Variants in MUSK observed in about 807,000 individuals in gnomAD.
The protein encoded by MUSK is muscle, skeletal receptor tyrosine-protein kinase.
In MUSK, 55 loss-of-function variants were observed where a neutral mutation model predicts 88.7. That is an observed-to-expected ratio of 0.62 (90% CI 0.50 to 0.78). MUSK has a LOEUF of 0.78. Among genes scored for constraint, MUSK ranks in the 30% least tolerant of loss-of-function variants. The probability of loss-of-function intolerance (pLI) is 0.00; values close to 1 mark genes in which losing one functional copy is unlikely to be tolerated. For synonymous variants in MUSK, 387 were observed against 391.9 expected (o/e 0.99, Z 0.15); for missense variants, 1,015 against 1,074.3 (o/e 0.94, Z 0.77).
At chr9:110,690,113 A>T (rs1183086918) in intron 3 of MUSK, among the ~76,000 whole-genome samples, 2 of 55,308 alleles carry the variant, frequency 3.6e-5, no homozygotes, top group Non-Finnish European at 6.3e-5. Flanking sequence ...AAATATAGAA[A>T]TATATATTAT....
chr9:110,689,364 ATATT>A (rs1289179881), intron 3 of MUSK, among the ~76,000 whole-genome samples: 1 of 118,228 alleles, frequency 8.5e-6, no homozygotes, highest in Non-Finnish European at 1.6e-5. Context: ...ATATAAATAC[ATATT>A]TATATATATG....
intron 3 of MUSK, among the ~76,000 whole-genome samples, chr9:110,689,517 A>C (rs1460811775): frequency 4.9e-5 from 4 of 82,370 alleles, no homozygotes; most frequent in Non-Finnish European, 8.2e-5. Context: ...ATATATAAAT[A>C]TATACAACTA....
At chr9:110,787,535 T>C (rs556826214) in intron 13 of MUSK, among the ~76,000 whole-genome samples, 155 bp from the exon 14 acceptor site, 6 of 152,270 alleles carry the variant, frequency 3.9e-5, no homozygotes, top group Admixed American at 3.9e-4. Context: ...TTAAGTATGT[T>C]GTCTTTCTTT....
chr9:110,781,594 T>C (rs1234317939), intron 11 of MUSK, among the ~76,000 whole-genome samples: 2 of 152,160 alleles, frequency 1.3e-5, no homozygotes, highest in Non-Finnish European at 2.9e-5. Context: ...TTCCTTAGTC[T>C]GTTCAGGTTG....
chr9:110,703,119 C>T (rs2076553224), intron 5 of MUSK, among the ~76,000 whole-genome samples: 1 of 152,148 alleles, frequency 6.6e-6, no homozygotes, highest in Admixed American at 6.6e-5. Flanking sequence ...AACAACCTAC[C>T]TTGAGTGAGT....
chr9:110,754,971 CT>C (rs1182235158), intron 7 of MUSK, among the ~76,000 whole-genome samples: 5 of 152,198 alleles, frequency 3.3e-5, no homozygotes, highest in Non-Finnish European at 1.5e-5. Flanking sequence ...TTGGCATCAC[CT>C]CTTAGATGAT....
At chr9:110,689,154 TA>T (rs1281148687) in intron 3 of MUSK, among the ~76,000 whole-genome samples, 2,567 of 127,542 alleles carry the variant, frequency 0.02, 93 homozygotes, top group African/African-American at 0.073. Flanking sequence ...TATATTTATA[TA>T]AAATATAAAT....
In MUSK at chr9:110,706,153, G is replaced by A. The variant is rs117817766; in HGVS notation, c.628+8687G>A. 1.3e-4 allele frequency: 65 copies of A among 519,288 alleles called. No individual in the cohort carries two copies. The East Asian group carries it at 3.6e-3, about 28-fold the overall frequency. 32.2% of individuals were successfully genotyped at this position (519,288 alleles called of 1,614,324 possible). On this transcript the variant is annotated intron_variant, in intron 5 of 14. Transcript: ENST00000374448. ...GTTCCTTAGCTGTCCCCAAATATGA[G>A]AATGAATATACAATGATAAAACAAA...
At chr9:110,671,567 T>C (rs2131620262) in intron 1 of MUSK, among the ~76,000 whole-genome samples, 1 of 152,290 alleles carries the variant, frequency 6.6e-6, no homozygotes, top group Admixed American at 6.5e-5. Flanking sequence ...TGTTCATAGT[T>C]TTCATTTTAG....
intron 3 of MUSK, among the ~76,000 whole-genome samples, chr9:110,689,668 GTATAT>G (rs2076266894): frequency 1.3e-4 from 1 of 7,830 alleles, no homozygotes; most frequent in Non-Finnish European, 2.1e-4. Context: ...AATATACATA[GTATAT>G]TATATATAAC....
In MUSK at chr9:110,675,059, G is replaced by A. The variant is rs187398511; in HGVS notation, c.79+6076G>A. Among the ~76,000 whole-genome samples, 494 of 152,070 alleles carry A rather than the reference G, an allele frequency of 3.2e-3. 1 individual carries two copies. The highest frequency in any genetic ancestry group is 0.011 in the African/African-American group (468 of 41,470). ...TGTGGACCAAGGACAATTTTAAATGGTTTCCATTTATTTATTCCTTGTGAC... is the reference window on the plus strand; with the variant it reads ...TGTGGACCAAGGACAATTTTAAATGATTTCCATTTATTTATTCCTTGTGAC... On this transcript the variant is annotated intron_variant, in intron 1 of 14. Transcript: ENST00000374448.
rs573900610 is a variant in MUSK at position 110,800,401 on chromosome 9, G to A, written c.2023G>A (p.Val675Met). The change falls in exon 15 of 15, where the codon GTG becomes ATG. Residue 675 changes from valine to methionine, a missense_variant. By Grantham distance (21) the Val-to-Met change is conservative. Transcript: ENST00000374448. ...CCTCCGCAGCATGTCCCCTCACACC[G>A]TGTGCAGCCTCAGTCACAGTGACTT... The part of the protein sequence containing the change: ...EFLRSMSPHT[V>M]CSLSHSDLSM... 1.2e-5 allele frequency: 19 copies of A among 1,613,766 alleles called. No individual in the cohort carries two copies. The highest frequency in any genetic ancestry group is 2.7e-5 in the African/African-American group (2 of 74,950).
At chr9:110,676,308 A>G (rs750473755) in intron 1 of MUSK, among the ~76,000 whole-genome samples, 1 of 131,444 alleles carries the variant, frequency 7.6e-6, no homozygotes, top group Admixed American at 7.5e-5. Flanking sequence ...TGTATATGTA[A>G]GTGTATATAT....
At chr9:110,742,926 A>T (rs941368086) in intron 6 of MUSK, among the ~76,000 whole-genome samples, 6 of 152,260 alleles carry the variant, frequency 3.9e-5, no homozygotes, top group Non-Finnish European at 8.8e-5. Flanking sequence ...AAATCACAGG[A>T]CATGGAGGCA....
intron 11 of MUSK, among the ~76,000 whole-genome samples, chr9:110,778,925 A>T (rs1260052118): frequency 6.6e-6 from 1 of 152,120 alleles, no homozygotes; most frequent in Non-Finnish European, 1.5e-5. Context: ...ACAATTTTAA[A>T]TCACCCAGGC....
chr9:110,703,641 G>C (rs2076559574), intron 5 of MUSK, among the ~76,000 whole-genome samples: 1 of 152,008 alleles, frequency 6.6e-6, no homozygotes, highest in African/African-American at 2.4e-5. Flanking sequence ...CAATGGATGA[G>C]TAATAGTATA....
intron 5 of MUSK, among the ~76,000 whole-genome samples, chr9:110,697,960 T>A (rs2076455637): frequency 6.6e-6 from 1 of 152,160 alleles, no homozygotes; most frequent in South Asian, 2.1e-4. Context: ...CCCAGTTCTG[T>A]GAGTTATGTT....
At chr9:110,707,426 G>A (rs1434609636) in intron 5 of MUSK, among the ~76,000 whole-genome samples, 1 of 152,034 alleles carries the variant, frequency 6.6e-6, no homozygotes, top group Non-Finnish European at 1.5e-5. Flanking sequence ...GGCTGAATGT[G>A]GCTCTTACTA....
In MUSK at chr9:110,692,994, A is replaced by T. The variant is rs1209208823; in HGVS notation, c.359-2409A>T. Among the ~76,000 whole-genome samples, 19 of 152,120 alleles carry T rather than the reference A, an allele frequency of 1.2e-4. No individual in the cohort carries two copies. The East Asian group carries it at 3.3e-3, about 26-fold the overall frequency. ...ATAAAAAGCTGGTGGGAATAGCATG[A>T]CTTTATGGAATACTGATTTGGTACT... On this transcript the variant is annotated intron_variant, in intron 3 of 14. Transcript: ENST00000374448.
Sources: allele counts gnomAD v4.1 joint callset (sites outside exome capture counted in the v4.1 genomes callset), GRCh38; gene constraint gnomAD v4.1.1; transcripts MANE v1.5; gene names NCBI Gene and HGNC (gene_info 2026-07-23, HGNC 2026-07-21).